NRG3: variants seen among roughly 807,000 people sequenced by gnomAD.
NRG3 encodes neuregulin 3.
A neutral mutation model predicts 66.9 loss-of-function variants in NRG3; 31 were observed. That is an observed-to-expected ratio of 0.46 (90% CI 0.35 to 0.63). The LOEUF (loss-of-function observed/expected upper bound fraction) is 0.63. Ranked by LOEUF, NRG3 falls within the 20% of genes least tolerant of loss-of-function variation. The pLI, the probability that NRG3 is intolerant of heterozygous loss-of-function variation, is 0.00. For missense variants in NRG3, 910 were observed against 878.9 expected (o/e 1.04, Z -0.45); for synonymous variants, 393 against 359.4 (o/e 1.09, Z -1.06).
chr10:82,226,577 A>T (rs186588487), intron 1 of NRG3, among the ~76,000 whole-genome samples: 156 of 152,250 alleles, frequency 1.0e-3, no homozygotes, highest in African/African-American at 3.7e-3. Flanking sequence ...ATATCCTAGA[A>T]TTGTGAGGAT....
At chr10:82,453,288 G>A (rs2091107371) in intron 2 of NRG3, among the ~76,000 whole-genome samples, 2 of 152,030 alleles carry the variant, frequency 1.3e-5, no homozygotes, top group South Asian at 4.2e-4. Context: ...CAGGAGCTAG[G>A]CCGTATTATG....
intron 1 of NRG3, among the ~76,000 whole-genome samples, chr10:82,316,676 TAAAAC>T (rs948326425): frequency 6.6e-5 from 10 of 152,312 alleles, no homozygotes; most frequent in African/African-American, 2.4e-4. Flanking sequence ...TTTCATTTCA[TAAAAC>T]AAAACAAAAA....
chr10:82,932,824 G>C (rs1344459719), intron 4 of NRG3, among the ~76,000 whole-genome samples: 1 of 152,134 alleles, frequency 6.6e-6, no homozygotes, highest in African/African-American at 2.4e-5. Context: ...TCAGCAAATA[G>C]GGTGATCCAG....
intron 3 of NRG3, among the ~76,000 whole-genome samples, chr10:82,841,160 C>T (rs2063038444): frequency 6.6e-6 from 1 of 152,094 alleles, no homozygotes; most frequent in African/African-American, 2.4e-5. Flanking sequence ...CAAAGGATTG[C>T]TGCCAATAGC....
chr10:82,646,529 T>C (rs1428264500), intron 2 of NRG3, among the ~76,000 whole-genome samples: 1 of 152,194 alleles, frequency 6.6e-6, no homozygotes, highest in Non-Finnish European at 1.5e-5. Flanking sequence ...ACAAATGTGA[T>C]TTAACTTCCC....
intron 4 of NRG3, among the ~76,000 whole-genome samples, chr10:82,885,869 T>G (rs1414283975): frequency 6.6e-6 from 1 of 151,548 alleles, no homozygotes; most frequent in Non-Finnish European, 1.5e-5. Flanking sequence ...GCCTATTTTT[T>G]TTTTTGTATT....
intron 1 of NRG3, among the ~76,000 whole-genome samples, chr10:81,941,415 G>A (rs1848393770): frequency 1.3e-5 from 2 of 152,112 alleles, no homozygotes; most frequent in African/African-American, 4.8e-5. Flanking sequence ...GAGGAAGATG[G>A]ATGATTCTAG....
At chr10:82,923,820 A>G (rs1164375425) in intron 4 of NRG3, among the ~76,000 whole-genome samples, 1 of 151,900 alleles carries the variant, frequency 6.6e-6, no homozygotes, top group African/African-American at 2.4e-5. Flanking sequence ...GTGCACGCAT[A>G]TGTGCACTTG....
intron 2 of NRG3, among the ~76,000 whole-genome samples, chr10:82,585,078 G>A (rs1347741973): frequency 6.6e-6 from 1 of 152,138 alleles, no homozygotes; most frequent in South Asian, 2.1e-4. Context: ...GTCGAAGACT[G>A]CAAATAAATG....
At chr10:81,922,468 A>G (rs1332936912) in intron 1 of NRG3, among the ~76,000 whole-genome samples, 2 of 152,190 alleles carry the variant, frequency 1.3e-5, no homozygotes, top group Admixed American at 6.5e-5. Context: ...GTGCATATGT[A>G]CATATTATTT....
At chr10:82,210,342 A>G (rs1382604305) in intron 1 of NRG3, among the ~76,000 whole-genome samples, 3 of 152,184 alleles carry the variant, frequency 2.0e-5, no homozygotes, top group Non-Finnish European at 2.9e-5. Flanking sequence ...AGCCTGCCTC[A>G]TGTGATTGCA....
chr10:82,809,907 G>T (rs1286524035), intron 3 of NRG3, among the ~76,000 whole-genome samples: 2 of 149,114 alleles, frequency 1.3e-5, no homozygotes, highest in Admixed American at 6.7e-5. Context: ...CTACTGGGTT[G>T]TAAAGGCATT....
At chr10:82,790,890 T>G (rs901720268) in intron 3 of NRG3, among the ~76,000 whole-genome samples, 2 of 151,928 alleles carry the variant, frequency 1.3e-5, no homozygotes, top group African/African-American at 4.8e-5. Flanking sequence ...ATTTCAATTA[T>G]TGCCCATTTC....
intron 1 of NRG3, among the ~76,000 whole-genome samples, chr10:82,111,321 T>C (rs1298873245): frequency 6.6e-6 from 1 of 152,166 alleles, no homozygotes; most frequent in Non-Finnish European, 1.5e-5. Context: ...TTAAACCAGG[T>C]CTCCCTCATT....
chr10:82,267,703 A>G (rs143687735), intron 1 of NRG3, among the ~76,000 whole-genome samples: 10 of 152,300 alleles, frequency 6.6e-5, no homozygotes, highest in East Asian at 1.9e-4. Context: ...GTTTCATTTA[A>G]TTAGTTCTGT....
At chr10:82,912,573 A>G (rs562166082) in intron 4 of NRG3, among the ~76,000 whole-genome samples, 2 of 152,258 alleles carry the variant, frequency 1.3e-5, no homozygotes, top group Admixed American at 1.3e-4. Flanking sequence ...TAAAGACAAT[A>G]TATACTTTCA....
chr10:82,660,274 A>G (rs1253073308), intron 2 of NRG3, among the ~76,000 whole-genome samples: 1 of 150,712 alleles, frequency 6.6e-6, no homozygotes, highest in African/African-American at 2.4e-5. Flanking sequence ...TGCAATAGAT[A>G]AAATAAATTG....
chr10:82,009,890 A>G (rs1234637202), intron 1 of NRG3, among the ~76,000 whole-genome samples: 9 of 152,140 alleles, frequency 5.9e-5, no homozygotes, highest in Non-Finnish European at 1.3e-4. Context: ...ATAGAAGCAC[A>G]TGTATTATGA....
intron 1 of NRG3, among the ~76,000 whole-genome samples, chr10:82,305,355 C>T (rs749259126): frequency 1.2e-4 from 19 of 152,018 alleles, no homozygotes; most frequent in Non-Finnish European, 2.4e-4. Flanking sequence ...AGGACCAGCT[C>T]TCTTGTTGCA....
Sources: allele counts gnomAD v4.1 joint callset (sites outside exome capture counted in the v4.1 genomes callset), GRCh38; gene constraint gnomAD v4.1.1; transcripts MANE v1.5; gene names NCBI Gene and HGNC (gene_info 2026-07-23, HGNC 2026-07-21).